RFTN1: variants seen among roughly 807,000 people sequenced by gnomAD.
RFTN1 encodes the protein raftlin.
RFTN1 carries 26 observed loss-of-function variants against 46.5 expected under a neutral mutation model. That is an observed-to-expected ratio of 0.56 (90% confidence interval 0.41 to 0.78). The LOEUF (loss-of-function observed/expected upper bound fraction) is 0.78, where lower values mean the gene tolerates loss of function less well. RFTN1 is among the 30% of genes least tolerant of loss of function. RFTN1 has a pLI of 0.00. For synonymous variants in RFTN1, 261 were observed against 284.2 expected (o/e 0.92, Z 0.82); for missense variants, 693 against 718.7 (o/e 0.96, Z 0.41).
chr3:16,409,723 C>T (rs1442023815), intron 3 of RFTN1, among the ~76,000 whole-genome samples: 13 of 138,572 alleles, frequency 9.4e-5, no homozygotes, highest in African/African-American at 1.9e-4. Context: ...CTTGCTCTGT[C>T]GCCCAGGCTG....
intron 3 of RFTN1, among the ~76,000 whole-genome samples, chr3:16,414,066 G>T (rs2075025110): frequency 6.6e-6 from 1 of 152,122 alleles, no homozygotes; most frequent in Non-Finnish European, 1.5e-5. Context: ...ATCTATAATT[G>T]TGTTCTTACT....
In RFTN1 at chr3:16,321,290, T is replaced by G. The variant is rs1424584790; in HGVS notation, c.1332+2086A>C. 1.3e-5 allele frequency among the ~76,000 whole-genome samples: 2 copies of G among 151,862 alleles called. No individual in the cohort carries two copies. Among genetic ancestry groups the G allele is most frequent in the African/African-American group, 4.8e-5 (2 of 41,276 alleles). ...TTGGCACAGAGGTGGTGAAGGAGATTTTCTAAGGAAGAGGCAAGAGTGAAG... is the reference window on the plus strand; with the variant it reads ...TTGGCACAGAGGTGGTGAAGGAGATGTTCTAAGGAAGAGGCAAGAGTGAAG... On this transcript the variant is annotated intron_variant, in intron 9 of 9. Coordinates refer to ENST00000334133, the MANE Select transcript of RFTN1 (RefSeq NM_015150.2). This position sits in a 1 kb window ranked among gnomAD's most constrained non-coding sequence, Gnocchi z 4.8.
intron 2 of RFTN1, among the ~76,000 whole-genome samples, chr3:16,492,109 C>T (rs188226175): frequency 6.6e-6 from 1 of 152,210 alleles, no homozygotes; most frequent in African/African-American, 2.4e-5. Flanking sequence ...GGTATCTGCA[C>T]GTTTAAGAGG....
rs1348266669 is a variant in RFTN1, at chr3:16,383,659, C to A, written c.442-5557G>T. Reference sequence around the variant, plus strand: ...GTGCGATATATACTCTATGTGCATGCGAATATACGTATTTGTGATTTAGAG... The same window carrying A: ...GTGCGATATATACTCTATGTGCATGAGAATATACGTATTTGTGATTTAGAG... On this transcript the variant is annotated intron_variant, in intron 4 of 9. Coordinates refer to ENST00000334133, the MANE Select transcript of RFTN1 (RefSeq NM_015150.2). The surrounding 1 kb of genome is among the most constrained non-coding windows in gnomAD (Gnocchi z 4.0). 6.6e-6 allele frequency among the ~76,000 whole-genome samples: 1 copy of A among 151,998 alleles called. No homozygotes were observed. Among genetic ancestry groups the A allele is most frequent in the African/African-American group, 2.4e-5 (1 of 41,328 alleles).
rs2072554716 is a variant in RFTN1, at chr3:16,357,905, A to C, written c.1146+27T>G. Reference sequence around the variant, plus strand: ...AAAACAAGTGCTGTCTAAACAAAAGAAGCGGGGCTGCCAACCCCACACTTA... The same window carrying C: ...AAAACAAGTGCTGTCTAAACAAAAGCAGCGGGGCTGCCAACCCCACACTTA... On this transcript the variant is annotated intron_variant, in intron 7 of 9. Transcript: ENST00000334133. The C allele has an allele frequency of 4.3e-6, 6 of 1,390,906 alleles. No individual in the cohort carries two copies. The East Asian group carries it at 1.4e-4, about 32-fold the overall frequency. 86.2% of individuals were successfully genotyped at this position (1,390,906 alleles called of 1,614,324 possible).
In RFTN1 at chr3:16,342,680, GC is replaced by G. The variant is rs1267309696; in HGVS notation, c.1146+15251del. 6.6e-6 allele frequency among the ~76,000 whole-genome samples: 1 copy of G among 152,204 alleles called. No homozygotes were observed. The highest frequency in any genetic ancestry group is 1.5e-5 in the Non-Finnish European group (1 of 68,042). ...TTGGCCTCACTAGACTAGTTCTCAA[GC>G]CTTCTTAAGTCTAATTTGCCAAGCC... On this transcript the variant is annotated intron_variant, in intron 7 of 9. Coordinates refer to ENST00000334133, the MANE Select transcript of RFTN1 (RefSeq NM_015150.2). The surrounding 1 kb of genome is among the most constrained non-coding windows in gnomAD (Gnocchi z 4.0).
chr3:16,415,430 T>TACACACACACACAC (rs1553589390), intron 3 of RFTN1, among the ~76,000 whole-genome samples: 27 of 114,306 alleles, frequency 2.4e-4, no homozygotes, highest in Non-Finnish European at 5.1e-4. Context: ...TATATATATA[T>TACACACACACACAC]ACACACACAC....
chr3:16,512,119 G>A lies in RFTN1; in HGVS notation c.-9+1323C>T, dbSNP rs916308290. The stretch of plus-strand genomic sequence containing the variant: ...AGCTTGCTTCGTAACCCCTCTCTGG[G>A]GTTTGGTGACATCTGGGGTCACTTG... On this transcript the variant is annotated intron_variant, in intron 1 of 9. Transcript: ENST00000334133. This position sits in a 1 kb window ranked among gnomAD's most constrained non-coding sequence, Gnocchi z 4.3. Among the ~76,000 whole-genome samples the A allele has an allele frequency of 4.6e-5, 7 of 152,066 alleles. No individual in the cohort carries two copies. Among genetic ancestry groups the A allele is most frequent in the African/African-American group, 1.4e-4 (6 of 41,398 alleles).
intron 3 of RFTN1, among the ~76,000 whole-genome samples, chr3:16,412,893 T>A (rs2075003882): frequency 6.6e-6 from 1 of 152,216 alleles, no homozygotes; most frequent in Admixed American, 6.5e-5. Context: ...AAGGAGATGA[T>A]TCCTGCCAAC....
chr3:16,468,166 G>A lies in RFTN1; in HGVS notation c.145+25559C>T, dbSNP rs1194858880. Among the ~76,000 whole-genome samples the A allele has an allele frequency of 6.6e-6, 1 of 152,204 alleles. No individual in the cohort carries two copies. The highest frequency in any genetic ancestry group is 1.5e-5 in the Non-Finnish European group (1 of 68,032). ...ATATTTATATCCCACGGCTGGTGAT[G>A]CCTCAGCACACTTCACTCTCTAGAA... On this transcript the variant is annotated intron_variant, in intron 2 of 9. Transcript: ENST00000334133. This position sits in a 1 kb window ranked among gnomAD's most constrained non-coding sequence, Gnocchi z 4.4.
At chr3:16,461,563 T>A (rs1449319838) in intron 2 of RFTN1, among the ~76,000 whole-genome samples, 1 of 152,190 alleles carries the variant, frequency 6.6e-6, no homozygotes, top group Admixed American at 6.5e-5. Flanking sequence ...CAATAGCAGA[T>A]GCTTCAAGAG....
intron 4 of RFTN1, among the ~76,000 whole-genome samples, chr3:16,401,720 A>G (rs541583198): frequency 4.6e-5 from 7 of 152,360 alleles, no homozygotes; most frequent in African/African-American, 1.4e-4. Flanking sequence ...ACTGGTCTAG[A>G]TCTTGCAGTC....
At chr3:16,319,901 T>A (rs2068848459) in intron 9 of RFTN1, among the ~76,000 whole-genome samples, 1 of 152,148 alleles carries the variant, frequency 6.6e-6, no homozygotes, top group Admixed American at 6.5e-5. Context: ...GACTCCAGGT[T>A]TTGAGTAGGA....
rs1559362072 is a variant in RFTN1, at chr3:16,468,235, C to T, written c.145+25490G>A. Among the ~76,000 whole-genome samples the T allele has an allele frequency of 6.6e-6, 1 of 152,232 alleles. No individual in the cohort carries two copies. Among genetic ancestry groups the T allele is most frequent in the Non-Finnish European group, 1.5e-5 (1 of 68,032 alleles). On this transcript the variant is annotated intron_variant, in intron 2 of 9. Transcript: ENST00000334133. This position sits in a 1 kb window ranked among gnomAD's most constrained non-coding sequence, Gnocchi z 4.4. The stretch of plus-strand genomic sequence containing the variant: ...ATGTGGCTCATTCCTCATTCCCTTT[C>T]AGCTGACAGGCTTCTTATCTTTTTC...
rs1283062508 is a variant in RFTN1, at chr3:16,380,119, A to G, written c.442-2017T>C. Among the ~76,000 whole-genome samples, 1 of 152,232 alleles carries G rather than the reference A, an allele frequency of 6.6e-6. No homozygotes were observed. The highest frequency in any genetic ancestry group is 1.5e-5 in the Non-Finnish European group (1 of 68,038). On this transcript the variant is annotated intron_variant, in intron 4 of 9. Transcript: ENST00000334133. The surrounding 1 kb of genome is among the most constrained non-coding windows in gnomAD (Gnocchi z 4.8). ...TCTCAACTAGAGTCACGGAAATAGCATGAAGTTTAAAGGCTTTTGGAAAGG... is the reference window on the plus strand; with the variant it reads ...TCTCAACTAGAGTCACGGAAATAGCGTGAAGTTTAAAGGCTTTTGGAAAGG...
rs1341450183 is a variant in RFTN1, at chr3:16,479,732, G to A, written c.145+13993C>T. ...GAGTCCACTCACCCCCAGGAAGCTC[G>A]TTTGATTGAGGTACCTTTTCCAAGC... On this transcript the variant is annotated intron_variant, in intron 2 of 9. Coordinates refer to ENST00000334133, the MANE Select transcript of RFTN1 (RefSeq NM_015150.2). The surrounding 1 kb of genome is among the most constrained non-coding windows in gnomAD (Gnocchi z 5.1). Among the ~76,000 whole-genome samples the A allele has an allele frequency of 6.6e-6, 1 of 152,226 alleles. No homozygotes were observed. The highest frequency in any genetic ancestry group is 2.1e-4 in the South Asian group (1 of 4,828).
At chr3:16,363,838 GATTCCAGGATTCTTGGCACCACCTT>G (rs1559291260) in intron 6 of RFTN1, among the ~76,000 whole-genome samples, 4 of 44,228 alleles carry the variant, frequency 9.0e-5, no homozygotes, top group Non-Finnish European at 1.4e-4. Context: ...GCACCACCTT[GATTCCAGGATTCTTGGCACCACCTT>G]GATTCCAGGA....
At chr3:16,357,216 T>C (rs1489845142) in intron 7 of RFTN1, among the ~76,000 whole-genome samples, 2 of 151,962 alleles carry the variant, frequency 1.3e-5, no homozygotes, top group Non-Finnish European at 2.9e-5. Context: ...TCCCAGACAC[T>C]GTGTGTACAA....
rs1017308109 is a variant in RFTN1, at chr3:16,426,980, C to T, written c.332+6871G>A. 6.6e-6 allele frequency among the ~76,000 whole-genome samples: 1 copy of T among 152,130 alleles called. No individual in the cohort carries two copies. The highest frequency in any genetic ancestry group is 2.4e-5 in the African/African-American group (1 of 41,422). ...AGTGGAGGTGGGCAGACATCTAAAA[C>T]ACAATAACAGGAGAGACTGAGATTC... On this transcript the variant is annotated intron_variant, in intron 3 of 9. Coordinates refer to ENST00000334133, the MANE Select transcript of RFTN1 (RefSeq NM_015150.2). This position sits in a 1 kb window ranked among gnomAD's most constrained non-coding sequence, Gnocchi z 5.9.
Sources: gnomAD v4.1 joint callset for allele counts (sites outside exome capture counted in the v4.1 genomes callset) on GRCh38, gnomAD v4.1.1 for gene constraint, Gnocchi (gnomAD v3.1) non-coding constraint, MANE v1.5 for transcripts, NCBI Gene and HGNC (gene_info 2026-07-23, HGNC 2026-07-21) for gene names.